The following DNPEP variants were observed in gnomAD, a reference collection of about 807,000 sequenced individuals.
The protein encoded by DNPEP is aspartyl aminopeptidase.
Under a neutral mutation model 59.1 loss-of-function variants are expected in DNPEP, and 46 were observed. That is an observed-to-expected ratio of 0.78 (90% CI 0.61 to 0.99). The LOEUF (loss-of-function observed/expected upper bound fraction) is 0.99, where lower values mean the gene tolerates loss of function less well. DNPEP is among the 50% of genes least tolerant of loss of function. The pLI, the probability that DNPEP is intolerant of heterozygous loss-of-function variation, is 0.00. For missense variants in DNPEP, 617 were observed against 649.9 expected (o/e 0.95, Z 0.55); for synonymous variants, 229 against 242.2 (o/e 0.95, Z 0.50).
intron 13 of DNPEP, among the ~76,000 whole-genome samples, chr2:219,378,219 A>C (rs1953450407): frequency 6.6e-6 from 1 of 152,182 alleles, no homozygotes; most frequent in Non-Finnish European, 1.5e-5. Context: ...ATAAAATTGA[A>C]ATGTCCTTCC....
chr2:219,387,467 TC>T, intron 1 of DNPEP: 2 of 1,432,102 alleles, frequency 1.4e-6, no homozygotes, highest in Non-Finnish European at 1.8e-6. Context: ...AACTCCGGGA[TC>T]CCAAGCGGGC....
rs1953588280 is a variant in DNPEP at position 219,381,356 on chromosome 2, G to C, written c.1218C>G (p.Asn406Lys). ...TCACCTGCAGGGGGACCTTGACTTT[G>C]TTGGCCACCTCTCGGATCAGGGCCT... ...VSEALIREVA[N>K]KVKVPLQDLM... The change falls in exon 13 of 15, where the codon AAC becomes AAG. Residue 406 changes from asparagine to lysine, a missense_variant. Asn to Lys is a moderately conservative substitution (Grantham distance 94). Coordinates refer to ENST00000273075, the MANE Select transcript of DNPEP (RefSeq NM_012100.4). 2.5e-6 allele frequency: 4 copies of C among 1,614,082 alleles called. No homozygotes were observed. Among genetic ancestry groups the C allele is most frequent in the South Asian group, 1.1e-5 (1 of 91,080 alleles).
chr2:219,399,773 A>G lies in DNPEP; in HGVS notation c.-158+167T>C, dbSNP rs1954156391. 4.8e-6 allele frequency: 5 copies of G among 1,050,970 alleles called. No individual in the cohort carries two copies. The South Asian group carries it at 5.6e-5, about 12-fold the overall frequency. 65.1% of individuals were successfully genotyped at this position (1,050,970 alleles called of 1,614,324 possible). ...CTATTTCATTCATCTCTTTATCCCC[A>G]TAATGCCTAAGCCAGTGCGTGGCTC... On this transcript the variant is annotated intron_variant, in intron 1 of 6. Transcript: ENST00000434339.
chr2:219,397,463 T>G (rs1443285087), intron 1 of DNPEP, among the ~76,000 whole-genome samples: 1 of 152,170 alleles, frequency 6.6e-6, no homozygotes, highest in Non-Finnish European at 1.5e-5. Context: ...CCTCCTGGAT[T>G]CAAGTGATTC....
At chr2:219,391,124 T>C (rs1479024975), upstream of DNPEP, among the ~76,000 whole-genome samples, 1 of 152,206 alleles carries the variant, frequency 6.6e-6, no homozygotes, top group East Asian at 1.9e-4. Flanking sequence ...CAACTTCAAT[T>C]GTTTGACACA....
intron 1 of DNPEP, 114 bp downstream of exon 1, chr2:219,387,639 CTTTCGG>C (rs1441276680): frequency 6.4e-7 from 1 of 1,551,424 alleles, no homozygotes; most frequent in Non-Finnish European, 8.7e-7. Context: ...CTCCGCGGGG[CTTTCGG>C]TTTCGCTTTG....
At chr2:219,381,894 G>C in intron 11 of DNPEP, 85 bp downstream of exon 11, 1 of 1,514,284 alleles carries the variant, frequency 6.6e-7, no homozygotes, top group Non-Finnish European at 9.1e-7. Context: ...AAAGGAAGAG[G>C]CTGGGGCCAA....
intron 1 of DNPEP, 163 bp downstream of exon 1, chr2:219,387,596 C>T (rs935936573): frequency 6.5e-6 from 10 of 1,530,310 alleles, no homozygotes; most frequent in Non-Finnish European, 8.8e-6. Flanking sequence ...GCAGGACTCC[C>T]CCTTCCAGTC....
At chr2:219,391,080 A>G (rs368944638), upstream of DNPEP, among the ~76,000 whole-genome samples, 10 of 152,200 alleles carry the variant, frequency 6.6e-5, no homozygotes, top group African/African-American at 2.4e-4. Context: ...GCTTAGACAG[A>G]TTCACATAGC....
At position 219,374,198 on chromosome 2, in the gene DNPEP, A is replaced by T; in HGVS notation, c.*94T>A. On this transcript the variant is annotated 3_prime_UTR_variant, in exon 15 of 15. Coordinates refer to ENST00000273075, the MANE Select transcript of DNPEP (RefSeq NM_012100.4). ...AAATAAGCGTAGCACGGAGAGTCTG[A>T]GTGACAATCCACTTTAATAATCCAG... 1 of 1,200,804 alleles carries T rather than the reference A, an allele frequency of 8.3e-7. No homozygotes were observed. Among genetic ancestry groups the T allele is most frequent in the Non-Finnish European group, 1.2e-6 (1 of 808,506 alleles). The allele number at this position is 1,200,804 out of a possible 1,614,324, so 74.4% of individuals were successfully genotyped here. A position where few individuals can be genotyped will look rare whatever the true frequency, so the allele number is the denominator to read the frequency against.
intron 9 of DNPEP, among the ~76,000 whole-genome samples, chr2:219,383,681 G>A (rs941546373): frequency 1.3e-5 from 2 of 152,120 alleles, no homozygotes; most frequent in Admixed American, 1.3e-4. Flanking sequence ...ATTGGCCTCA[G>A]GGAAAAGACT....
chr2:219,399,939 C>T lies in DNPEP; in HGVS notation c.-158+1G>A. On this transcript the variant is annotated splice_donor_variant, in intron 1 of 6. Coordinates refer to the DNPEP transcript ENST00000434339. LOFTEE classifies it low-confidence loss of function (5UTR_SPLICE). The stretch of plus-strand genomic sequence containing the variant: ...GCTCCGAGCCATGGTGACCTGCTCA[C>T]CTCCTCCCAAGGCTGGAGTGGACAG... 6.5e-7 allele frequency: 1 copy of T among 1,550,002 alleles called. No individual in the cohort carries two copies. The highest frequency in any genetic ancestry group is 8.7e-7 in the Non-Finnish European group (1 of 1,146,438).
chr2:219,387,290 C>T, intron 1 of DNPEP, 127 bp from the exon 2 acceptor site: 3 of 1,449,708 alleles, frequency 2.1e-6, no homozygotes, highest in Non-Finnish European at 2.7e-6. Context: ...CTGCTTCCGC[C>T]CGTCCCCACC....
In DNPEP at chr2:219,372,613, C is replaced by T. The variant is rs1324405618; in HGVS notation, c.*1679G>A. On this transcript the variant is annotated 3_prime_UTR_variant, in exon 15 of 15. Transcript: ENST00000273075. ...AACTCCTGACCTCAAGTGATCTGCC[C>T]ACCTCGGCCTCCCAAAGTGCTGGGA... is the stretch of plus-strand genomic sequence containing the variant. 2.0e-5 allele frequency among the ~76,000 whole-genome samples: 3 copies of T among 152,066 alleles called. No homozygotes were observed. Among genetic ancestry groups the T allele is most frequent in the Non-Finnish European group, 2.9e-5 (2 of 68,004 alleles).
At chr2:219,392,821 ACTATTGATC>A (rs1954039902), upstream of DNPEP, among the ~76,000 whole-genome samples, 1 of 152,046 alleles carries the variant, frequency 6.6e-6, no homozygotes, top group South Asian at 2.1e-4. Flanking sequence ...AGAACTACAA[ACTATTGATC>A]CTACCTTTCC....
At chr2:219,390,282 A>G (rs1483601060), upstream of DNPEP, among the ~76,000 whole-genome samples, 1 of 152,244 alleles carries the variant, frequency 6.6e-6, no homozygotes, top group Non-Finnish European at 1.5e-5. Flanking sequence ...GTCATTATTT[A>G]TAGATTATAT....
In DNPEP at chr2:219,386,645, A is replaced by C; in HGVS notation, c.333+20T>G. On this transcript the variant is annotated intron_variant, in intron 4 of 14. Transcript: ENST00000273075. Reference sequence around the variant, plus strand: ...CCCTCTGACATCTCCTCCCACCCCAACACCGTCCGAGTTCCTTACCCGGAG... The same window carrying C: ...CCCTCTGACATCTCCTCCCACCCCACCACCGTCCGAGTTCCTTACCCGGAG... 6.3e-7 allele frequency: 1 copy of C among 1,598,312 alleles called. No homozygotes were observed. The highest frequency in any genetic ancestry group is 8.5e-7 in the Non-Finnish European group (1 of 1,172,094).
At chr2:219,387,249 C>T (rs1953886756) in intron 1 of DNPEP, 86 bp from the exon 2 acceptor site, 2 of 1,520,746 alleles carry the variant, frequency 1.3e-6, no homozygotes, top group South Asian at 2.5e-5. Flanking sequence ...CATCCCCACC[C>T]CCAGAAGTGA....
chr2:219,399,693 C>G (rs1218788436), intron 1 of DNPEP, among the ~76,000 whole-genome samples: 4 of 152,208 alleles, frequency 2.6e-5, no homozygotes, highest in Non-Finnish European at 5.9e-5. Flanking sequence ...GAGTATTATT[C>G]TGTTAAGCCA....
Sources: allele counts gnomAD v4.1 joint callset (sites outside exome capture counted in the v4.1 genomes callset), GRCh38; gene constraint gnomAD v4.1.1; transcripts MANE v1.5; gene names NCBI Gene and HGNC (gene_info 2026-07-23, HGNC 2026-07-21).